TCN2: variants seen among roughly 807,000 people sequenced by gnomAD.
The protein encoded by TCN2 is transcobalamin-2.
TCN2 carries 34 observed loss-of-function variants against 48.6 expected under a neutral mutation model. The observed-to-expected ratio is 0.70, with a 90% CI of 0.53 to 0.93. The LOEUF is 0.93. Among genes scored for constraint, TCN2 ranks in the 40% least tolerant of loss-of-function variants. TCN2 has a pLI of 0.00. For synonymous variants in TCN2, 283 were observed against 212.5 expected (o/e 1.33, Z -2.89); for missense variants, 652 against 526.1 (o/e 1.24, Z -2.34).
intron 3 of TCN2, among the ~76,000 whole-genome samples, chr22:30,613,434 C>T (rs1446966968): frequency 1.3e-5 from 2 of 152,168 alleles, no homozygotes; most frequent in African/African-American, 4.8e-5. Flanking sequence ...CATGCGCCAC[C>T]ACACCCAGCT....
intron 7 of TCN2, 24 bp downstream of exon 7, chr22:30,617,519 T>G (rs942554685): frequency 6.2e-7 from 1 of 1,613,878 alleles, no homozygotes; most frequent in Non-Finnish European, 8.5e-7. Flanking sequence ...CTCCCAGTCC[T>G]CACCCCACCC....
intron 1 of TCN2, among the ~76,000 whole-genome samples, chr22:30,607,727 G>A (rs2087474137): frequency 1.3e-5 from 2 of 152,088 alleles, no homozygotes; most frequent in Admixed American, 1.3e-4. Context: ...TCTAGGGAAG[G>A]GGGACAGACA....
chr22:30,615,236 A>G, intron 4 of TCN2, 65 bp from the exon 5 acceptor site: 1 of 1,571,662 alleles, frequency 6.4e-7, no homozygotes, highest in East Asian at 2.2e-5. Flanking sequence ...CTGACCCTCA[A>G]GCCCCTGCCT....
chr22:30,622,678 C>A (rs1473517734), intron 7 of TCN2, among the ~76,000 whole-genome samples: 1 of 152,214 alleles, frequency 6.6e-6, no homozygotes, highest in Non-Finnish European at 1.5e-5. Context: ...ATCAGCCCCC[C>A]AGAGAGGGGA....
At chr22:30,617,711 G>C in intron 7 of TCN2, 1 of 624,072 alleles carries the variant, frequency 1.6e-6, no homozygotes. Context: ...TTTGGAGGCA[G>C]AGCCCCCCAG....
Position 30,616,025 on chromosome 22 carries a change from TTGGATGGATGGATGGATGGA to T in TCN2, c.940+269_940+288del, listed in dbSNP as rs34383530. Among the ~76,000 whole-genome samples, 407 of 149,478 alleles carry T rather than the reference TTGGATGGATGGATGGATGGA, an allele frequency of 2.7e-3. 3 individuals carry two copies. The highest frequency in any genetic ancestry group is 9.3e-3 in the African/African-American group (380 of 40,720). ...TGTGTGATACCCAGTACAGAAATGT[TTGGATGGATGGATGGATGGA>T]TGGATGGATGGATGGATGGATGGAT... On this transcript the variant is annotated intron_variant, in intron 6 of 8. Coordinates refer to ENST00000215838, the MANE Select transcript of TCN2 (RefSeq NM_000355.4).
chr22:30,626,398 T>G, intron 8 of TCN2, 62 bp from the exon 9 acceptor site: 9 of 1,563,970 alleles, frequency 5.8e-6, no homozygotes, highest in Non-Finnish European at 7.9e-6. Flanking sequence ...GTCTGGAAGA[T>G]GAGGTTGCGG....
At chr22:30,610,579 C>T (rs2087521953) in intron 1 of TCN2, among the ~76,000 whole-genome samples, 1 of 152,248 alleles carries the variant, frequency 6.6e-6, no homozygotes, top group African/African-American at 2.4e-5. Flanking sequence ...ACACCAGTCT[C>T]ACTGTCACTG....
chr22:30,612,574 A>G (rs538450432), intron 2 of TCN2, among the ~76,000 whole-genome samples: 1 of 152,128 alleles, frequency 6.6e-6, no homozygotes, highest in Non-Finnish European at 1.5e-5. Flanking sequence ...AAATAAAATA[A>G]AAAAATAAAA....
At chr22:30,610,755 G>A (rs1367810164) in intron 1 of TCN2, 116 bp from the exon 2 acceptor site, 4 of 1,051,490 alleles carry the variant, frequency 3.8e-6, no homozygotes, top group Non-Finnish European at 1.4e-6. Context: ...GGTGTGTGCT[G>A]GGTGGAGGTG....
chr22:30,610,759 G>A, intron 1 of TCN2, 112 bp from the exon 2 acceptor site: 1 of 1,099,722 alleles, frequency 9.1e-7, no homozygotes, highest in East Asian at 2.5e-5. Context: ...TGTGCTGGGT[G>A]GAGGTGGGGG....
chr22:30,626,891 G>C lies in TCN2; in HGVS notation c.*370G>C. 2.7e-6 allele frequency: 1 copy of C among 365,436 alleles called. No homozygotes were observed. Among genetic ancestry groups the C allele is most frequent in the Non-Finnish European group, 5.3e-6 (1 of 189,992 alleles). The allele number at this position is 365,436 out of a possible 1,614,324, so 22.6% of individuals were successfully genotyped here. A position where few individuals can be genotyped will look rare whatever the true frequency, so the allele number is the denominator to read the frequency against. On this transcript the variant is annotated 3_prime_UTR_variant, in exon 9 of 9. Transcript: ENST00000215838. Reference sequence around the variant, plus strand: ...CCACTCGTTCTGTGGTTGGGGTCCTGCAAGAAGGCCTCCTCAGCCCGGGGG... The same window carrying C: ...CCACTCGTTCTGTGGTTGGGGTCCTCCAAGAAGGCCTCCTCAGCCCGGGGG...
In TCN2 at chr22:30,612,942, G is replaced by A. The variant is rs748905755; in HGVS notation, c.327G>A (p.Leu109=). The A allele has an allele frequency of 1.9e-6, 3 of 1,614,206 alleles. No homozygotes were observed. Among genetic ancestry groups the A allele is most frequent in the Admixed American group, 3.3e-5 (2 of 60,014 alleles). ...KPSMGQLALY[L]LALRANCEFV... ...CCATGGGCCAGCTGGCCCTCTACCT[G>A]CTCGCTCTCAGAGCCAACTGTGAGT... The change falls in exon 3 of 9, where the codon CTG becomes CTA. Residue 109 remains leucine, a synonymous_variant. Transcript: ENST00000215838.
chr22:30,623,049 G>A lies in TCN2; in HGVS notation c.1188G>A (p.Gln396=), dbSNP rs757802093. 1 of 1,614,002 alleles carries A rather than the reference G, an allele frequency of 6.2e-7. No homozygotes were observed. The highest frequency in any genetic ancestry group is 1.7e-5 in the Admixed American group (1 of 60,002). ...CGGCCGGAGAAAGGGAGTTCTGGCA[G>A]CTTCTCCGAGACCCCAACACCCCAC... ...GKAAGEREFW[Q]LLRDPNTPLL... Residue 396 remains glutamine (Q), a synonymous_variant, in exon 8 of 9, where the codon CAG becomes CAA. Transcript: ENST00000215838.
At position 30,626,737 on chromosome 22, in the gene TCN2, TTCTGGCCAAG is replaced by T. The variant is rs1448097177; in HGVS notation, c.*225_*234del. On this transcript the variant is annotated 3_prime_UTR_variant, in exon 9 of 9. Transcript: ENST00000215838. Reference sequence around the variant, plus strand: ...GCCAAGCATCTTCCCTGGGAAGTCTTTCTGGCCAAGTCTGGCCAGCCTGGCCCTGCAGGTC... The same window carrying T: ...GCCAAGCATCTTCCCTGGGAAGTCTTTCTGGCCAGCCTGGCCCTGCAGGTC... 18 of 628,356 alleles carry T rather than the reference TTCTGGCCAAG, an allele frequency of 2.9e-5. No homozygotes were observed. The highest frequency in any genetic ancestry group is 4.8e-5 in the Non-Finnish European group (17 of 353,040). 38.9% of individuals were successfully genotyped at this position (628,356 alleles called of 1,614,324 possible).
Position 30,623,960 on chromosome 22 carries a change from A to ATATATG in TCN2, c.1222+881_1222+882insTGTATA, listed in dbSNP as rs1353686203. On this transcript the variant is annotated intron_variant, in intron 8 of 8. Coordinates refer to ENST00000215838, the MANE Select transcript of TCN2 (RefSeq NM_000355.4). ...TATACACACACACATATGTATACAT[A>ATATATG]TATACACACACATATATATGTATAC... Among the ~76,000 whole-genome samples, 562 of 79,978 alleles carry ATATATG rather than the reference A, an allele frequency of 7.0e-3. 196 individuals are homozygous for ATATATG. The highest frequency in any genetic ancestry group is 0.01 in the Non-Finnish European group (454 of 44,884). The allele number at this position is 79,978 out of a possible 152,430, so 52.5% of individuals were successfully genotyped here.
chr22:30,621,900 A>C (rs1334970121), intron 7 of TCN2, among the ~76,000 whole-genome samples: 1 of 151,812 alleles, frequency 6.6e-6, no homozygotes, highest in Non-Finnish European at 1.5e-5. Flanking sequence ...GGCAAATCCC[A>C]CTCATCTCTT....
At chr22:30,608,613 C>T (rs1050050287) in intron 1 of TCN2, among the ~76,000 whole-genome samples, 4 of 151,532 alleles carry the variant, frequency 2.6e-5, no homozygotes, top group Admixed American at 1.3e-4. Context: ...TGGTCTCGAA[C>T]TCCTGGGCTC....
chr22:30,627,004 G>C lies in TCN2; in HGVS notation c.*483G>C, dbSNP rs2087820982. The C allele has an allele frequency of 4.4e-6, 1 of 228,402 alleles. No individual in the cohort carries two copies. The highest frequency in any genetic ancestry group is 8.8e-6 in the Non-Finnish European group (1 of 113,038). The allele number at this position is 228,402 out of a possible 1,614,324, so 14.1% of individuals were successfully genotyped here. A position where few individuals can be genotyped will look rare whatever the true frequency, so the allele number is the denominator to read the frequency against. On this transcript the variant is annotated 3_prime_UTR_variant, in exon 9 of 9. Transcript: ENST00000215838. Reference sequence around the variant, plus strand: ...CACAGTAGCTGGGGAGACCTCAGCAGGGCTGCTCAGTGCCTGCCTCTGACA... The same window carrying C: ...CACAGTAGCTGGGGAGACCTCAGCACGGCTGCTCAGTGCCTGCCTCTGACA...
Sources: gnomAD v4.1 joint callset for allele counts (sites outside exome capture counted in the v4.1 genomes callset) on GRCh38, gnomAD v4.1.1 for gene constraint, MANE v1.5 for transcripts, NCBI Gene and HGNC (gene_info 2026-07-23, HGNC 2026-07-21) for gene names.